The following ST6GAL1 variants were observed in gnomAD, a reference collection of about 807,000 sequenced individuals.
ST6GAL1 encodes the protein ST6 beta-galactoside alpha-2,6-sialyltransferase 1, also known as beta-galactoside alpha-2,6-sialyltransferase 1.
A neutral mutation model predicts 38.0 loss-of-function variants in ST6GAL1; 20 were observed. That is an observed-to-expected ratio of 0.53 (90% CI 0.37 to 0.77). The LOEUF is 0.77. Ranked by LOEUF, ST6GAL1 falls within the 30% of genes least tolerant of loss-of-function variation. The pLI is 0.00. For missense variants in ST6GAL1, 432 were observed against 496.4 expected (o/e 0.87, Z 1.23); for synonymous variants, 196 against 188.2 (o/e 1.04, Z -0.34).
chr3:187,005,953 G>A (rs532402815), intron 2 of ST6GAL1, among the ~76,000 whole-genome samples: 1 of 152,230 alleles, frequency 6.6e-6, no homozygotes, highest in Non-Finnish European at 1.5e-5. Context: ...TGACAAGATG[G>A]TGGGGGGATA....
At chr3:187,070,718 C>T (rs1188036686) in intron 5 of ST6GAL1, among the ~76,000 whole-genome samples, 13 of 152,066 alleles carry the variant, frequency 8.5e-5, no homozygotes, top group South Asian at 2.1e-4. Context: ...CCACCGCACC[C>T]GGCCCAACAC....
chr3:187,050,790 C>G (rs1248520862), intron 4 of ST6GAL1, among the ~76,000 whole-genome samples: 1 of 152,196 alleles, frequency 6.6e-6, no homozygotes, highest in Non-Finnish European at 1.5e-5. Flanking sequence ...GCATGCTTTT[C>G]AAAGTGCAAT....
At chr3:187,016,235 G>A (rs1390935689) in intron 2 of ST6GAL1, among the ~76,000 whole-genome samples, 1 of 152,160 alleles carries the variant, frequency 6.6e-6, no homozygotes, top group Non-Finnish European at 1.5e-5. Context: ...ACAAGCCCCC[G>A]CGGTGGATGC....
intron 5 of ST6GAL1, among the ~76,000 whole-genome samples, chr3:187,062,000 T>C (rs1718931692): frequency 6.6e-6 from 1 of 152,158 alleles, no homozygotes; most frequent in South Asian, 2.1e-4. Context: ...GTACAGAATA[T>C]ATAGAACACT....
At chr3:187,055,095 A>G (rs1718647635) in intron 5 of ST6GAL1, among the ~76,000 whole-genome samples, 1 of 152,074 alleles carries the variant, frequency 6.6e-6, no homozygotes, top group East Asian at 1.9e-4. Context: ...AGAGGTGTTT[A>G]TAGTATTCTC....
chr3:186,961,396 G>C (rs954105065), intron 1 of ST6GAL1, among the ~76,000 whole-genome samples: 1 of 152,176 alleles, frequency 6.6e-6, no homozygotes, highest in African/African-American at 2.4e-5. Context: ...TTTTGAAAGA[G>C]TGTCAGATTG....
intron 2 of ST6GAL1, among the ~76,000 whole-genome samples, chr3:186,992,515 C>T (rs58525230): frequency 0.024 from 3,664 of 152,140 alleles, 131 homozygotes; most frequent in East Asian, 0.15. Flanking sequence ...AAAACATGGC[C>T]GGGCGCGGTG....
At chr3:187,064,448 A>G (rs1186179918) in intron 5 of ST6GAL1, 1 of 449,150 alleles carries the variant, frequency 2.2e-6, no homozygotes, top group Non-Finnish European at 4.5e-6. Context: ...AGAATCTGAC[A>G]GGGAGGAAGA....
chr3:186,936,705 C>T (rs1713964590), intron 1 of ST6GAL1, among the ~76,000 whole-genome samples: 1 of 152,076 alleles, frequency 6.6e-6, no homozygotes, highest in Admixed American at 6.6e-5. Flanking sequence ...CTTTGGGAGG[C>T]TGAAGCAGCT....
chr3:187,017,386 C>A (rs927993527), intron 2 of ST6GAL1, among the ~76,000 whole-genome samples: 2 of 152,124 alleles, frequency 1.3e-5, no homozygotes, highest in African/African-American at 4.8e-5. Flanking sequence ...AAAAATGCTT[C>A]CTAGGTGATA....
At chr3:187,049,142 C>T (rs769068378) in intron 4 of ST6GAL1, among the ~76,000 whole-genome samples, 4 of 152,214 alleles carry the variant, frequency 2.6e-5, no homozygotes, top group African/African-American at 4.8e-5. Flanking sequence ...CCACCCGCCT[C>T]GGCCTCCCAA....
chr3:187,039,337 A>G (rs948243332), intron 3 of ST6GAL1, among the ~76,000 whole-genome samples: 6 of 152,198 alleles, frequency 3.9e-5, no homozygotes, highest in Non-Finnish European at 5.9e-5. Context: ...CATCAGTTCA[A>G]TAATCTTTCA....
At chr3:186,998,203 A>G (rs553494660) in intron 2 of ST6GAL1, among the ~76,000 whole-genome samples, 1 of 152,236 alleles carries the variant, frequency 6.6e-6, no homozygotes, top group Non-Finnish European at 1.5e-5. Flanking sequence ...TTGAAAGTCC[A>G]TGTATATTTT....
intron 2 of ST6GAL1, among the ~76,000 whole-genome samples, chr3:186,999,242 T>C (rs1460617260): frequency 1.3e-5 from 2 of 151,226 alleles, no homozygotes; most frequent in African/African-American, 4.9e-5. Context: ...ACTCGCCTCG[T>C]AGAAGGTGTG....
chr3:186,941,358 G>A (rs55670412), intron 1 of ST6GAL1, among the ~76,000 whole-genome samples: 5,606 of 152,252 alleles, frequency 0.037, 167 homozygotes, highest in East Asian at 0.1. Flanking sequence ...TACCTGGAGT[G>A]TTATGCTTCC....
chr3:186,998,288 A>G (rs1716487801), intron 2 of ST6GAL1, among the ~76,000 whole-genome samples: 1 of 152,228 alleles, frequency 6.6e-6, no homozygotes, highest in African/African-American at 2.4e-5. Flanking sequence ...TAAACTTAAT[A>G]CGAATATCCT....
At chr3:187,012,444 G>T (rs980337634) in intron 2 of ST6GAL1, among the ~76,000 whole-genome samples, 1 of 152,058 alleles carries the variant, frequency 6.6e-6, no homozygotes, top group Non-Finnish European at 1.5e-5. Context: ...TTCCAGTACA[G>T]ACGGGGTTTC....
intron 2 of ST6GAL1, among the ~76,000 whole-genome samples, chr3:187,021,548 T>C (rs924951556): frequency 1.3e-5 from 2 of 151,820 alleles, no homozygotes; most frequent in Non-Finnish European, 2.9e-5. Context: ...GAGACCAGCC[T>C]GACCAACATG....
chr3:187,042,584 A>G (rs926054853), intron 3 of ST6GAL1, 70 bp from the exon 4 acceptor site: 3 of 1,405,788 alleles, frequency 2.1e-6, no homozygotes, highest in Non-Finnish European at 2.9e-6. Context: ...TGCTCAGTCC[A>G]TCGCTCCGCC....
Sources: gnomAD v4.1 joint callset for allele counts (sites outside exome capture counted in the v4.1 genomes callset) on GRCh38, gnomAD v4.1.1 for gene constraint, MANE v1.5 for transcripts, NCBI Gene and HGNC (gene_info 2026-07-23, HGNC 2026-07-21) for gene names.